ADAMTSL1: variants seen among roughly 807,000 people sequenced by gnomAD.
ADAMTSL1 encodes the protein ADAMTS like 1, also known as ADAMTS-like protein 1.
In ADAMTSL1, 126 loss-of-function variants were observed where a neutral mutation model predicts 201.8. The ratio of observed to expected loss-of-function variants is 0.62; its 90% CI spans 0.54 to 0.72. The LOEUF (loss-of-function observed/expected upper bound fraction) is 0.72, where lower values mean the gene tolerates loss of function less well. ADAMTSL1 is among the 30% of genes least tolerant of loss of function. The pLI is 0.00. For synonymous variants in ADAMTSL1, 1,121 were observed against 903.4 expected (o/e 1.24, Z -4.32); for missense variants, 2,679 against 2,277.8 (o/e 1.18, Z -3.59).
intron 15 of ADAMTSL1, among the ~76,000 whole-genome samples, chr9:18,743,344 T>C (rs1262098886): frequency 6.6e-6 from 1 of 152,236 alleles, no homozygotes; most frequent in African/African-American, 2.4e-5. Flanking sequence ...TAGATGCAAA[T>C]GGCATGCTAG....
At chr9:17,970,690 G>C (rs565571332) in intron 1 of ADAMTSL1, among the ~76,000 whole-genome samples, 25 of 152,128 alleles carry the variant, frequency 1.6e-4, no homozygotes, top group Admixed American at 1.3e-3. Flanking sequence ...TCTGCAGGAT[G>C]TTGTCCCTGG....
chr9:18,646,498 C>T (rs1657708888), intron 7 of ADAMTSL1, among the ~76,000 whole-genome samples: 1 of 150,518 alleles, frequency 6.6e-6, no homozygotes, highest in South Asian at 2.1e-4. Flanking sequence ...CCAGTTTTTG[C>T]CCATTCAGTA....
intron 1 of ADAMTSL1, among the ~76,000 whole-genome samples, chr9:17,932,314 C>A (rs575776722): frequency 6.6e-6 from 1 of 152,314 alleles, no homozygotes; most frequent in African/African-American, 2.4e-5. Flanking sequence ...CCATCAATTT[C>A]TCCAAGAGGG....
chr9:18,058,628 T>C (rs1460511830), intron 1 of ADAMTSL1, among the ~76,000 whole-genome samples: 1 of 152,170 alleles, frequency 6.6e-6, no homozygotes, highest in African/African-American at 2.4e-5. Flanking sequence ...TAAGAAAAAC[T>C]GTAAAATCCC....
At chr9:18,869,188 T>G (rs1827730179) in intron 23 of ADAMTSL1, among the ~76,000 whole-genome samples, 1 of 152,164 alleles carries the variant, frequency 6.6e-6, no homozygotes, top group Non-Finnish European at 1.5e-5. Context: ...TGAAACAGAT[T>G]CTTCTCTCAC....
At chr9:18,112,087 A>G (rs1825048881) in intron 1 of ADAMTSL1, among the ~76,000 whole-genome samples, 1 of 152,132 alleles carries the variant, frequency 6.6e-6, no homozygotes, top group African/African-American at 2.4e-5. Flanking sequence ...AGGTTTATCC[A>G]TTCATTCAGC....
At chr9:17,977,301 C>T (rs1280083542) in intron 1 of ADAMTSL1, among the ~76,000 whole-genome samples, 2 of 152,002 alleles carry the variant, frequency 1.3e-5, no homozygotes, top group Admixed American at 1.3e-4. Context: ...TTGTAATGTC[C>T]TTGCCTAGCT....
intron 26 of ADAMTSL1, among the ~76,000 whole-genome samples, chr9:18,901,289 A>G (rs891659114): frequency 6.6e-6 from 1 of 152,236 alleles, no homozygotes. Flanking sequence ...ATTACAAGAC[A>G]TATTAAATGG....
intron 1 of ADAMTSL1, among the ~76,000 whole-genome samples, chr9:17,951,921 C>T (rs1308887310): frequency 1.3e-5 from 2 of 151,990 alleles, no homozygotes; most frequent in Admixed American, 6.6e-5. Flanking sequence ...CCACCTTAGT[C>T]TCCAGAGTAG....
intron 14 of ADAMTSL1, among the ~76,000 whole-genome samples, chr9:18,715,306 T>C (rs1242716968): frequency 6.6e-6 from 1 of 151,962 alleles, no homozygotes; most frequent in African/African-American, 2.4e-5. Context: ...TTATCCCTGT[T>C]TGAAGATGAC....
intron 1 of ADAMTSL1, among the ~76,000 whole-genome samples, chr9:18,069,936 C>T (rs569268868): frequency 9.2e-5 from 14 of 152,248 alleles, no homozygotes; most frequent in Non-Finnish European, 2.1e-4. Flanking sequence ...GAGGTGGAAA[C>T]ATTGGAGCCT....
intron 1 of ADAMTSL1, among the ~76,000 whole-genome samples, chr9:17,909,273 C>T (rs1825840665): frequency 6.8e-6 from 1 of 147,222 alleles, no homozygotes; most frequent in Non-Finnish European, 1.5e-5. Flanking sequence ...CTGTAGGTTG[C>T]CTGTTCACTC....
intron 2 of ADAMTSL1, among the ~76,000 whole-genome samples, chr9:18,432,558 C>T (rs112995145): frequency 0.019 from 2,924 of 152,090 alleles, 97 homozygotes; most frequent in African/African-American, 0.068. Flanking sequence ...TAGCACATCA[C>T]CAAAAATTAT....
At chr9:18,092,294 G>A (rs367740507) in intron 1 of ADAMTSL1, among the ~76,000 whole-genome samples, 4 of 152,146 alleles carry the variant, frequency 2.6e-5, no homozygotes, top group East Asian at 1.9e-4. Context: ...GCACAGGAGA[G>A]ACAGAGATTA....
At chr9:17,952,810 AG>A (rs1041446739) in intron 1 of ADAMTSL1, among the ~76,000 whole-genome samples, 2 of 152,148 alleles carry the variant, frequency 1.3e-5, no homozygotes, top group Non-Finnish European at 2.9e-5. Flanking sequence ...TACAGGCATG[AG>A]CCACCATGCC....
chr9:17,960,490 ACT>A lies in ADAMTSL1; in HGVS notation c.87+53570_87+53571del, dbSNP rs566322101. 6.4e-3 allele frequency among the ~76,000 whole-genome samples: 978 copies of A among 152,256 alleles called. 10 individuals carry two copies. Among genetic ancestry groups the A allele is most frequent in the African/African-American group, 0.022 (927 of 41,564 alleles). On this transcript the variant is annotated intron_variant, in intron 1 of 29. Transcript: ENST00000680146. ...CATAATGCCTTAGAGAAGGACTCAA[ACT>A]CCACCATTGACTGTGTGATCAAACT...
At chr9:18,543,107 G>C (rs1277967306) in intron 3 of ADAMTSL1, among the ~76,000 whole-genome samples, 2 of 152,154 alleles carry the variant, frequency 1.3e-5, no homozygotes, top group African/African-American at 2.4e-5. Context: ...TACTTGATTG[G>C]AATTGCTGTA....
intron 1 of ADAMTSL1, among the ~76,000 whole-genome samples, chr9:17,956,107 A>G (rs1458448689): frequency 6.6e-6 from 1 of 152,220 alleles, no homozygotes; most frequent in Non-Finnish European, 1.5e-5. Context: ...ACAATTATCC[A>G]TGGAACTAAT....
chr9:18,898,687 G>A (rs1829814617), intron 26 of ADAMTSL1, among the ~76,000 whole-genome samples: 1 of 152,000 alleles, frequency 6.6e-6, no homozygotes, highest in Admixed American at 6.6e-5. Context: ...CACATAAGAA[G>A]AACTAAAGAC....
Sources: allele counts gnomAD v4.1 joint callset (sites outside exome capture counted in the v4.1 genomes callset), GRCh38; gene constraint gnomAD v4.1.1; transcripts MANE v1.5; gene names NCBI Gene and HGNC (gene_info 2026-07-23, HGNC 2026-07-21).